ENOX2: variants seen among roughly 807,000 people sequenced by gnomAD.
ENOX2 encodes APK1 antigen.
In ENOX2, 36 loss-of-function variants were observed where a neutral mutation model predicts 45.0. The observed-to-expected ratio is 0.80, with a 90% CI of 0.61 to 1.06. The LOEUF is 1.06. Among genes scored for constraint, ENOX2 ranks in the 50% least tolerant of loss-of-function variants. The pLI is 0.00. For missense variants in ENOX2, 423 were observed against 462.5 expected, an observed-to-expected ratio of 0.91 and a Z score of 0.78; for synonymous variants, 174 against 152.3, an observed-to-expected ratio of 1.14 and a Z score of -1.05.
intron 5 of ENOX2, among the ~76,000 whole-genome samples, chrX:130,680,375 G>T (rs1328515953): frequency 9.0e-6 from 1 of 111,084 alleles, no homozygotes; most frequent in Admixed American, 9.6e-5. Context: ...GGAGAGGTGA[G>T]GTCCAGAGTC....
At chrX:130,683,284 A>G (rs755817133) in intron 5 of ENOX2, among the ~76,000 whole-genome samples, 1 of 111,906 alleles carries the variant, frequency 8.9e-6, no homozygotes, top group Non-Finnish European at 1.9e-5. Flanking sequence ...GCCAGGATTT[A>G]TATACTGCAA....
At chrX:130,824,046 T>C (rs1432974143) in intron 2 of ENOX2, among the ~76,000 whole-genome samples, 1 of 112,278 alleles carries the variant, frequency 8.9e-6, no homozygotes, top group Non-Finnish European at 1.9e-5. Context: ...TAAAACAATT[T>C]CTTCACTTTA....
intron 3 of ENOX2, among the ~76,000 whole-genome samples, chrX:130,726,384 C>T (rs2038606153): frequency 8.9e-6 from 1 of 112,397 alleles, no homozygotes; most frequent in African/African-American, 3.2e-5. Context: ...CCCTGATATG[C>T]ATGCCCAGTG....
chrX:130,643,653 T>C (rs149846850), intron 10 of ENOX2, among the ~76,000 whole-genome samples: 5 of 112,012 alleles, frequency 4.5e-5, no homozygotes, highest in African/African-American at 1.3e-4. Flanking sequence ...CCAATACTGT[T>C]TGTGAGCCTA....
intron 12 of ENOX2, among the ~76,000 whole-genome samples, chrX:130,633,498 G>T (rs2035842278): frequency 8.9e-6 from 1 of 112,614 alleles, no homozygotes; most frequent in Non-Finnish European, 1.9e-5. Context: ...TGGATTATCA[G>T]TTGGATCTTT....
At chrX:130,721,421 T>A (rs1184457944) in intron 3 of ENOX2, among the ~76,000 whole-genome samples, 1 of 112,402 alleles carries the variant, frequency 8.9e-6, no homozygotes, top group Non-Finnish European at 1.9e-5. Flanking sequence ...ACTCATAGTA[T>A]ATCTGCAGGG....
chrX:130,894,366 GA>G (rs1256108573), intron 2 of ENOX2, among the ~76,000 whole-genome samples: 70 of 55,640 alleles, frequency 1.3e-3, no homozygotes, highest in African/African-American at 2.9e-3. Flanking sequence ...AAAAAAAAAA[GA>G]AAAAAAAAAA....
intron 3 of ENOX2, among the ~76,000 whole-genome samples, chrX:130,729,781 A>G (rs1470703740): frequency 8.9e-6 from 1 of 112,324 alleles, no homozygotes; most frequent in African/African-American, 3.2e-5. Context: ...TCTAACATAC[A>G]CTTCCCATGT....
At chrX:130,798,737 T>C (rs1336007854) in intron 2 of ENOX2, among the ~76,000 whole-genome samples, 2 of 111,967 alleles carry the variant, frequency 1.8e-5, no homozygotes, top group Non-Finnish European at 3.8e-5. Context: ...AAACTGCCCT[T>C]GGGGACTGGC....
chrX:130,807,558 T>G (rs2077325411), intron 2 of ENOX2, among the ~76,000 whole-genome samples: 1 of 111,726 alleles, frequency 9.0e-6, no homozygotes, highest in Non-Finnish European at 1.9e-5. Flanking sequence ...TAGACCCCAG[T>G]CTTCTTACTG....
At chrX:130,848,347 A>G (rs1353809776) in intron 2 of ENOX2, among the ~76,000 whole-genome samples, 1 of 111,951 alleles carries the variant, frequency 8.9e-6, no homozygotes, top group Non-Finnish European at 1.9e-5. Context: ...GAGTAAAAGA[A>G]AACTGTGCAA....
chrX:130,772,315 G>A (rs975449990), intron 3 of ENOX2, among the ~76,000 whole-genome samples: 4 of 111,927 alleles, frequency 3.6e-5, no homozygotes, highest in Admixed American at 2.8e-4. Context: ...GAAAGCTTGT[G>A]GTTGCCTTGC....
At chrX:130,835,602 A>G (rs1481804800) in intron 2 of ENOX2, among the ~76,000 whole-genome samples, 1 of 111,609 alleles carries the variant, frequency 9.0e-6, no homozygotes, top group Non-Finnish European at 1.9e-5. Flanking sequence ...AGAAAGCAGC[A>G]TAACATATTA....
At chrX:130,821,714 AT>A (rs1485373685) in intron 2 of ENOX2, among the ~76,000 whole-genome samples, 86 of 91,711 alleles carry the variant, frequency 9.4e-4, no homozygotes, top group Non-Finnish European at 1.6e-3. Context: ...TAAAAAAAAA[AT>A]AAATAAATAA....
intron 2 of ENOX2, among the ~76,000 whole-genome samples, chrX:130,786,600 G>A (rs1186505757): frequency 1.1e-5 from 1 of 90,650 alleles, no homozygotes; most frequent in Non-Finnish European, 2.1e-5. Context: ...TCCCCTTCCT[G>A]TGTTCATGTG....
intron 12 of ENOX2, among the ~76,000 whole-genome samples, chrX:130,632,652 G>C (rs768913684): frequency 2.7e-5 from 3 of 111,821 alleles, no homozygotes; most frequent in East Asian, 2.8e-4. Context: ...ACCCTTAGAA[G>C]GGACAGGATT....
intron 10 of ENOX2, among the ~76,000 whole-genome samples, chrX:130,651,976 A>G (rs1025734980): frequency 1.2e-4 from 13 of 110,678 alleles, no homozygotes; most frequent in African/African-American, 4.3e-4. Context: ...CTTTTTATTG[A>G]ACAACAACAA....
chrX:130,786,463 T>C (rs1053056044), intron 2 of ENOX2, among the ~76,000 whole-genome samples: 4 of 103,444 alleles, frequency 3.9e-5, no homozygotes, highest in South Asian at 9.5e-4. Flanking sequence ...GCAGGTTAGT[T>C]ACATATGTAT....
At chrX:130,672,809 C>G (rs1164300115) in intron 6 of ENOX2, among the ~76,000 whole-genome samples, 2 of 111,620 alleles carry the variant, frequency 1.8e-5, no homozygotes, top group African/African-American at 6.5e-5. Context: ...CCTGAAGAGA[C>G]CTCGGCACAT....
Sources: gnomAD v4.1 joint callset for allele counts (sites outside exome capture counted in the v4.1 genomes callset) on GRCh38, gnomAD v4.1.1 for gene constraint, MANE v1.5 for transcripts, NCBI Gene and HGNC (gene_info 2026-07-23, HGNC 2026-07-21) for gene names.